Variants in PPP2R2C observed in about 807,000 individuals in gnomAD.
PPP2R2C encodes protein phosphatase 2 regulatory subunit Bgamma.
In PPP2R2C, 10 loss-of-function variants were observed where a neutral mutation model predicts 45.3. The observed-to-expected ratio is 0.22, with a 90% CI of 0.14 to 0.37. PPP2R2C has a LOEUF of 0.37. Ranked by LOEUF, PPP2R2C falls within the 10% of genes least tolerant of loss-of-function variation. PPP2R2C has a pLI of 1.00. For synonymous variants in PPP2R2C, 257 were observed against 245.4 expected (o/e 1.05, Z -0.44); for missense variants, 308 against 619.7 (o/e 0.50, Z 5.34).
chr4:6,532,369 T>C (rs1286484313), intron 2 of PPP2R2C, among the ~76,000 whole-genome samples: 1 of 152,210 alleles, frequency 6.6e-6, no homozygotes, highest in Non-Finnish European at 1.5e-5. Context: ...TCTCACAGTG[T>C]TGAGCAGCCT....
intron 8 of PPP2R2C, among the ~76,000 whole-genome samples, chr4:6,327,806 T>G (rs1030083255): frequency 6.6e-6 from 1 of 152,164 alleles, no homozygotes; most frequent in African/African-American, 2.4e-5. Flanking sequence ...TGCCAGCCCC[T>G]TGCCTGAGCT....
At chr4:6,549,899 T>C (rs1174848210) in intron 1 of PPP2R2C, among the ~76,000 whole-genome samples, 3 of 152,216 alleles carry the variant, frequency 2.0e-5, no homozygotes, top group African/African-American at 7.2e-5. Context: ...GGTGAATATC[T>C]GGGGAGAAAC....
chr4:6,419,192 C>A (rs527985445), intron 1 of PPP2R2C, among the ~76,000 whole-genome samples: 5 of 152,090 alleles, frequency 3.3e-5, no homozygotes, highest in African/African-American at 1.2e-4. Context: ...CTGAGGCAGG[C>A]GGATCACCTG....
At chr4:6,503,465 G>C (rs1723123949) in intron 2 of PPP2R2C, among the ~76,000 whole-genome samples, 1 of 152,122 alleles carries the variant, frequency 6.6e-6, no homozygotes, top group South Asian at 2.1e-4. Flanking sequence ...CTCAGCATCT[G>C]CTAGCATAGT....
intron 5 of PPP2R2C, among the ~76,000 whole-genome samples, chr4:6,352,022 T>C (rs1338160414): frequency 6.6e-6 from 1 of 152,156 alleles, no homozygotes; most frequent in African/African-American, 2.4e-5. Flanking sequence ...ACAAGGGAAG[T>C]AGCTGTGGGA....
chr4:6,327,743 G>C (rs1003059542), intron 8 of PPP2R2C, among the ~76,000 whole-genome samples: 13 of 152,036 alleles, frequency 8.6e-5, no homozygotes, highest in Admixed American at 8.5e-4. Context: ...GCCCCGGGTC[G>C]GGCCTCCATC....
chr4:6,333,941 C>T (rs1279706135), intron 6 of PPP2R2C, among the ~76,000 whole-genome samples: 1 of 152,164 alleles, frequency 6.6e-6, no homozygotes, highest in Non-Finnish European at 1.5e-5. Flanking sequence ...CCATTCATAG[C>T]CAAGAAAATG....
In PPP2R2C at chr4:6,348,023, C is replaced by G. The variant is rs749075058; in HGVS notation, c.626-13G>C. 5.0e-6 allele frequency: 8 copies of G among 1,612,328 alleles called. No homozygotes were observed. The South Asian group carries it at 7.7e-5, about 16-fold the overall frequency. ...ATGTCCACGATGTCTGGGGGCAGTGCGGTCAAGGAAGGGGCAGTGAAGGGC... is the reference window on the plus strand; with the variant it reads ...ATGTCCACGATGTCTGGGGGCAGTGGGGTCAAGGAAGGGGCAGTGAAGGGC... On this transcript the variant is annotated splice_polypyrimidine_tract_variant and intron_variant, in intron 5 of 8. Coordinates refer to ENST00000382599, the MANE Select transcript of PPP2R2C (RefSeq NM_020416.4).
chr4:6,533,186 A>T (rs1724463845), intron 2 of PPP2R2C, among the ~76,000 whole-genome samples: 1 of 152,210 alleles, frequency 6.6e-6, no homozygotes, highest in South Asian at 2.1e-4. Flanking sequence ...AATGAAAGTA[A>T]TCCTAAGAAC....
chr4:6,524,342 A>G (rs1417027373), intron 2 of PPP2R2C, among the ~76,000 whole-genome samples: 1 of 152,270 alleles, frequency 6.6e-6, no homozygotes, highest in Non-Finnish European at 1.5e-5. Context: ...TGTCCAGAAC[A>G]GGCAGATTCA....
At chr4:6,491,132 G>T (rs1213824628) in intron 2 of PPP2R2C, among the ~76,000 whole-genome samples, 1 of 152,190 alleles carries the variant, frequency 6.6e-6, no homozygotes. Context: ...TGTGGACAGG[G>T]ATTTTTGCCT....
chr4:6,549,330 C>G (rs764560469), intron 1 of PPP2R2C, among the ~76,000 whole-genome samples: 11 of 152,156 alleles, frequency 7.2e-5, no homozygotes, highest in Admixed American at 1.3e-4. Context: ...ACAGAACACG[C>G]CAGGCTCATT....
intron 5 of PPP2R2C, chr4:6,349,152 C>T (rs1225053445): frequency 1.0e-6 from 1 of 985,390 alleles, no homozygotes. Flanking sequence ...ATCACCCTGA[C>T]AGAAAGGCCC....
intron 5 of PPP2R2C, chr4:6,351,248 G>C (rs1712523617): frequency 1.9e-6 from 1 of 527,408 alleles, no homozygotes; most frequent in Non-Finnish European, 2.4e-6. Context: ...GGGAGGCAGA[G>C]GTTGCAGTGA....
At chr4:6,325,581 G>C (rs1731874345) in intron 8 of PPP2R2C, among the ~76,000 whole-genome samples, 1 of 152,186 alleles carries the variant, frequency 6.6e-6, no homozygotes, top group African/African-American at 2.4e-5. Context: ...TGGAAGGAGA[G>C]CGACATAATT....
At chr4:6,455,176 ACCCAAACAAAAATGTTTTG>A (rs1429607211) in intron 1 of PPP2R2C, among the ~76,000 whole-genome samples, 2 of 152,146 alleles carry the variant, frequency 1.3e-5, no homozygotes, top group Non-Finnish European at 2.9e-5. Flanking sequence ...TCCAAAAATC[ACCCAAACAAAAATGTTTTG>A]CCCAATTTGA....
intron 1 of PPP2R2C, among the ~76,000 whole-genome samples, chr4:6,390,242 CTG>C (rs1477018070): frequency 6.7e-6 from 1 of 149,096 alleles, no homozygotes; most frequent in Non-Finnish European, 1.5e-5. Context: ...GGTGCACACA[CTG>C]TGCCTGGGGG....
intron 1 of PPP2R2C, among the ~76,000 whole-genome samples, chr4:6,403,657 G>A (rs999291017): frequency 1.3e-5 from 2 of 152,138 alleles, no homozygotes; most frequent in African/African-American, 4.8e-5. Flanking sequence ...GAGGTCAGGA[G>A]TTCAAGACCA....
At chr4:6,444,978 G>C (rs58020592) in intron 1 of PPP2R2C, among the ~76,000 whole-genome samples, 2 of 152,144 alleles carry the variant, frequency 1.3e-5, no homozygotes, top group Non-Finnish European at 2.9e-5. Flanking sequence ...TCAGCCTAGG[G>C]GTTCCAGATC....
Sources: gnomAD v4.1 joint callset for allele counts (sites outside exome capture counted in the v4.1 genomes callset) on GRCh38, gnomAD v4.1.1 for gene constraint, MANE v1.5 for transcripts, NCBI Gene and HGNC (gene_info 2026-07-23, HGNC 2026-07-21) for gene names.